CMSS1: variants seen among roughly 807,000 people sequenced by gnomAD.
The protein encoded by CMSS1 is protein CMSS1.
Under a neutral mutation model 43.5 loss-of-function variants are expected in CMSS1, and 33 were observed. The observed-to-expected ratio is 0.76, with a 90% confidence interval of 0.57 to 1.01. The LOEUF is 1.01. Among genes scored for constraint, CMSS1 ranks in the 50% least tolerant of loss-of-function variants. The probability of loss-of-function intolerance (pLI) is 0.00; values close to 1 mark genes in which losing one functional copy is unlikely to be tolerated. For synonymous variants in CMSS1, 115 were observed against 117.2 expected, an observed-to-expected ratio of 0.98 and a Z score of 0.12; for missense variants, 313 against 326.4, an observed-to-expected ratio of 0.96 and a Z score of 0.32.
chr3:100,158,745 T>C (rs1157405702), intron 2 of CMSS1, among the ~76,000 whole-genome samples: 1 of 152,232 alleles, frequency 6.6e-6, no homozygotes, highest in Non-Finnish European at 1.5e-5. Flanking sequence ...GAATTACATT[T>C]TTATTTTTTC....
intron 1 of CMSS1, among the ~76,000 whole-genome samples, chr3:100,130,439 T>C (rs910091018): frequency 1.3e-5 from 2 of 152,204 alleles, no homozygotes; most frequent in African/African-American, 4.8e-5. Context: ...TATGTGGCCA[T>C]CTCATTGAGT....
At chr3:100,114,832 G>C in intron 1 of CMSS1, 1 of 663,474 alleles carries the variant, frequency 1.5e-6, no homozygotes. Context: ...AGTAACAAGG[G>C]CATGACCCCT....
rs533830033 is a variant in CMSS1 at position 100,039,147 on chromosome 3, A to G, written c.65-107826A>G. Among the ~76,000 whole-genome samples, 15 of 152,344 alleles carry G rather than the reference A, an allele frequency of 9.8e-5. No homozygotes were observed. The South Asian group carries it at 3.1e-3, about 32-fold the overall frequency. Reference sequence around the variant, plus strand: ...GGTATTGAAATTATCATCATCTAATAATAGTTCATCAAACACAGAGACATT... The same window carrying G: ...GGTATTGAAATTATCATCATCTAATGATAGTTCATCAAACACAGAGACATT... On this transcript the variant is annotated intron_variant, in intron 1 of 9. Transcript: ENST00000421999.
chr3:99,956,678 G>C (rs189403361), intron 1 of CMSS1, among the ~76,000 whole-genome samples: 1 of 152,142 alleles, frequency 6.6e-6, no homozygotes, highest in South Asian at 2.1e-4. Context: ...CATAAGCATC[G>C]CCTCTTAAAT....
At chr3:100,064,957 A>G (rs1382294184) in intron 1 of CMSS1, among the ~76,000 whole-genome samples, 1 of 152,198 alleles carries the variant, frequency 6.6e-6, no homozygotes, top group Non-Finnish European at 1.5e-5. Flanking sequence ...ATCTACTAAC[A>G]TATGTTAAAC....
intron 1 of CMSS1, among the ~76,000 whole-genome samples, chr3:100,136,764 A>C (rs1352344465): frequency 6.6e-6 from 1 of 152,184 alleles, no homozygotes; most frequent in Non-Finnish European, 1.5e-5. Flanking sequence ...TAAATGAGAG[A>C]TACACTTACA....
intron 1 of CMSS1, among the ~76,000 whole-genome samples, chr3:100,056,104 G>A (rs1220864470): frequency 2.0e-5 from 3 of 152,198 alleles, no homozygotes; most frequent in African/African-American, 4.8e-5. Flanking sequence ...AAGGTCTTAA[G>A]CTGGGGCCTG....
intron 1 of CMSS1, among the ~76,000 whole-genome samples, chr3:99,985,863 A>G (rs1405588861): frequency 1.3e-5 from 2 of 152,168 alleles, no homozygotes; most frequent in African/African-American, 4.8e-5. Context: ...TACTGGGATT[A>G]CAGGCGTGAG....
chr3:99,877,259 A>G (rs926548036), intron 1 of CMSS1, among the ~76,000 whole-genome samples: 3 of 152,238 alleles, frequency 2.0e-5, no homozygotes, highest in African/African-American at 7.2e-5. Context: ...TTACATTAAA[A>G]TAGGATTGCT....
At chr3:100,163,167 A>G (rs989562697) in intron 4 of CMSS1, among the ~76,000 whole-genome samples, 2 of 152,220 alleles carry the variant, frequency 1.3e-5, no homozygotes, top group Non-Finnish European at 2.9e-5. Context: ...ATTTTTAACA[A>G]ACTATTCAAT....
intron 1 of CMSS1, among the ~76,000 whole-genome samples, chr3:99,997,153 A>G (rs896446597): frequency 6.6e-6 from 1 of 152,218 alleles, no homozygotes; most frequent in Non-Finnish European, 1.5e-5. Context: ...AAGAAAAACC[A>G]TACAAAGGAT....
At chr3:100,018,716 C>A in intron 1 of CMSS1, among the ~76,000 whole-genome samples, 1 of 125,726 alleles carries the variant, frequency 8.0e-6, no homozygotes, top group African/African-American at 3.0e-5. Context: ...TTACATCAAA[C>A]TTAAAAGTTT....
chr3:99,987,334 G>T (rs1168491256), intron 1 of CMSS1, among the ~76,000 whole-genome samples: 1 of 151,798 alleles, frequency 6.6e-6, no homozygotes, highest in Admixed American at 6.6e-5. Flanking sequence ...TTCAAGACCA[G>T]CTTGGGCAAG....
chr3:100,051,724 A>G (rs569861823), intron 1 of CMSS1, among the ~76,000 whole-genome samples: 27 of 151,906 alleles, frequency 1.8e-4, no homozygotes, highest in African/African-American at 6.0e-4. Flanking sequence ...CATGGTGTAC[A>G]TGTGCCACAT....
intron 1 of CMSS1, among the ~76,000 whole-genome samples, chr3:99,998,912 C>T (rs1709763605): frequency 6.6e-6 from 1 of 152,194 alleles, no homozygotes; most frequent in South Asian, 2.1e-4. Flanking sequence ...CAACTAGAAA[C>T]TTTCAGTAGT....
At chr3:99,845,742 T>C (rs760431696) in intron 1 of CMSS1, among the ~76,000 whole-genome samples, 1 of 152,348 alleles carries the variant, frequency 6.6e-6, no homozygotes, top group East Asian at 1.9e-4. Flanking sequence ...GCAGAAATTA[T>C]GCTGCCTTTA....
At chr3:100,132,818 C>CAAAAAAAA (rs537334560) in intron 1 of CMSS1, among the ~76,000 whole-genome samples, 6 of 66,320 alleles carry the variant, frequency 9.0e-5, no homozygotes, top group South Asian at 6.4e-4. Context: ...GACTCCATCC[C>CAAAAAAAA]AAAAAAAAAA....
chr3:100,127,536 A>G (rs1559766022), intron 1 of CMSS1, among the ~76,000 whole-genome samples: 1 of 152,244 alleles, frequency 6.6e-6, no homozygotes. Context: ...GTGTCTCAGT[A>G]TCATCTAGGA....
intron 1 of CMSS1, among the ~76,000 whole-genome samples, chr3:100,027,070 C>G (rs1459929882): frequency 1.3e-5 from 2 of 152,244 alleles, no homozygotes; most frequent in Middle Eastern, 3.4e-3. Flanking sequence ...CCCTGCATCC[C>G]TTTGCTTAAA....
Sources: gnomAD v4.1 joint callset for allele counts (sites outside exome capture counted in the v4.1 genomes callset) on GRCh38, gnomAD v4.1.1 for gene constraint, MANE v1.5 for transcripts, NCBI Gene and HGNC (gene_info 2026-07-23, HGNC 2026-07-21) for gene names.